The following SRGAP3 variants were observed in gnomAD, a reference collection of about 807,000 sequenced individuals.
The protein encoded by SRGAP3 is SLIT-ROBO Rho GTPase activating protein 3.
SRGAP3 carries 39 observed loss-of-function variants against 121.1 expected under a neutral mutation model. The observed-to-expected ratio is 0.32, with a 90% CI of 0.25 to 0.42. SRGAP3 has a LOEUF of 0.42. SRGAP3 is among the 10% of genes least tolerant of loss of function. The pLI, the probability that SRGAP3 is intolerant of heterozygous loss-of-function variation, is 1.00. For synonymous variants in SRGAP3, 601 were observed against 570.0 expected (o/e 1.05, Z -0.77); for missense variants, 1,213 against 1,470.6 (o/e 0.82, Z 2.86).
chr3:9,288,514 G>A (rs1293447567), intron 3 of SRGAP3, among the ~76,000 whole-genome samples: 1 of 150,940 alleles, frequency 6.6e-6, no homozygotes, highest in Admixed American at 6.6e-5. Context: ...TTCTCAACTT[G>A]TCTAATTAAC....
intron 1 of SRGAP3, chr3:9,355,872 A>G (rs2030469102): frequency 6.6e-6 from 1 of 152,204 alleles, no homozygotes; most frequent in East Asian, 1.9e-4. Context: ...ATGTCACCCC[A>G]CGGCAGAAGG....
intron 5 of SRGAP3, among the ~76,000 whole-genome samples, chr3:9,064,049 G>A (rs1481205242): frequency 6.6e-6 from 1 of 152,082 alleles, no homozygotes; most frequent in African/African-American, 2.4e-5. Context: ...ACAAGCCCCT[G>A]CTCCCGCTAA....
At position 8,990,778 on chromosome 3, in the gene SRGAP3, T is replaced by C; in HGVS notation, c.2620A>G (p.Ser874Gly). 6.2e-7 allele frequency: 1 copy of C among 1,600,694 alleles called. No homozygotes were observed. The change falls in exon 21 of 22, where the codon AGC becomes GGC. Residue 874 changes from serine (S) to glycine (G), a missense_variant. Transcript: ENST00000383836. ...CTGGGGCCCAGGCCCCGGGGCGGGC[T>C]GTGTGTGTCGCCCCCGCTTCGGCGT... ...PRRRSGGDTH[S>G]PPRGLGPSID...
At chr3:9,116,649 G>A (rs185533868) in intron 2 of SRGAP3, among the ~76,000 whole-genome samples, 1 of 152,264 alleles carries the variant, frequency 6.6e-6, no homozygotes, top group East Asian at 1.9e-4. Flanking sequence ...AACCCCTGAT[G>A]CTCATCCAAG....
intron 1 of SRGAP3, among the ~76,000 whole-genome samples, chr3:9,344,943 A>C (rs1955857822): frequency 6.6e-6 from 1 of 152,022 alleles, no homozygotes; most frequent in Non-Finnish European, 1.5e-5. Context: ...AGGCTGAGGC[A>C]GGAGAATCAC....
intron 12 of SRGAP3, among the ~76,000 whole-genome samples, chr3:9,031,645 A>G (rs1944488006): frequency 6.6e-6 from 1 of 152,104 alleles, no homozygotes; most frequent in Admixed American, 6.6e-5. Flanking sequence ...TCATATATCC[A>G]GTCTTTTGCT....
chr3:9,074,751 T>A (rs1300577720), intron 4 of SRGAP3, among the ~76,000 whole-genome samples: 1 of 152,142 alleles, frequency 6.6e-6, no homozygotes, highest in Admixed American at 6.5e-5. Context: ...TGGCCCAGAG[T>A]TGATGTCACA....
chr3:9,056,404 G>C, intron 7 of SRGAP3, 70 bp from the exon 8 acceptor site: 1 of 1,508,482 alleles, frequency 6.6e-7, no homozygotes. Flanking sequence ...TAGGGCAGGG[G>C]CTACCATTAA....
intron 2 of SRGAP3, among the ~76,000 whole-genome samples, chr3:9,120,910 G>A (rs1260789592): frequency 6.6e-6 from 1 of 152,202 alleles, no homozygotes; most frequent in Non-Finnish European, 1.5e-5. Context: ...ACAGCACAGT[G>A]CGTATTCCTG....
chr3:9,255,070 G>C (rs768229215), intron 3 of SRGAP3, among the ~76,000 whole-genome samples: 3 of 152,150 alleles, frequency 2.0e-5, no homozygotes, highest in Non-Finnish European at 4.4e-5. Context: ...AGACAGAGGT[G>C]ACAGTTGTAC....
At chr3:9,150,090 T>A (rs751902667) in intron 1 of SRGAP3, among the ~76,000 whole-genome samples, 1 of 151,902 alleles carries the variant, frequency 6.6e-6, no homozygotes, top group Non-Finnish European at 1.5e-5. Flanking sequence ...AACACTGGGA[T>A]AGGGCAAGTG....
upstream of SRGAP3, among the ~76,000 whole-genome samples, chr3:9,251,951 T>G (rs551408261): frequency 2.0e-5 from 3 of 152,188 alleles, no homozygotes; most frequent in Non-Finnish European, 4.4e-5. Flanking sequence ...AACACGATCA[T>G]GGATTTAAAG....
intron 3 of SRGAP3, among the ~76,000 whole-genome samples, chr3:9,087,435 GGGGTA>G (rs1947551761): frequency 6.6e-6 from 1 of 152,044 alleles, no homozygotes. Context: ...CCAGTTTGCT[GGGGTA>G]GAGTCAAGAA....
intron 9 of SRGAP3, among the ~76,000 whole-genome samples, chr3:9,050,387 C>G (rs1403623874): frequency 6.6e-6 from 1 of 152,226 alleles, no homozygotes; most frequent in African/African-American, 2.4e-5. Context: ...AGGTCATCCA[C>G]TGGTTAGCGC....
At chr3:9,086,739 T>G (rs577498730) in intron 3 of SRGAP3, among the ~76,000 whole-genome samples, 2 of 146,690 alleles carry the variant, frequency 1.4e-5, no homozygotes, top group Admixed American at 6.8e-5. Context: ...ATGTATTTTA[T>G]ATGTATATAT....
intron 9 of SRGAP3, among the ~76,000 whole-genome samples, chr3:9,049,008 A>G (rs1367460759): frequency 1.3e-5 from 2 of 152,114 alleles, no homozygotes; most frequent in Non-Finnish European, 2.9e-5. Context: ...GAATAAAGTG[A>G]AGGAGGTAGA....
chr3:9,346,715 G>C (rs1251231294), intron 1 of SRGAP3, among the ~76,000 whole-genome samples: 1 of 151,566 alleles, frequency 6.6e-6, no homozygotes, highest in African/African-American at 2.4e-5. Context: ...GATGTTTCAA[G>C]GGAGGAACAA....
At chr3:9,003,905 G>T (rs1357578977) in intron 18 of SRGAP3, among the ~76,000 whole-genome samples, 1 of 151,934 alleles carries the variant, frequency 6.6e-6, no homozygotes, top group African/African-American at 2.4e-5. Flanking sequence ...GGCCAATTGG[G>T]CAAGAAAAAG....
chr3:9,212,937 A>G (rs1228256044), intron 1 of SRGAP3, among the ~76,000 whole-genome samples: 2 of 152,244 alleles, frequency 1.3e-5, no homozygotes, highest in Non-Finnish European at 2.9e-5. Flanking sequence ...GGGCCTGGGA[A>G]GGGCTACTGC....
Sources: gnomAD v4.1 joint callset for allele counts (sites outside exome capture counted in the v4.1 genomes callset) on GRCh38, gnomAD v4.1.1 for gene constraint, MANE v1.5 for transcripts, NCBI Gene and HGNC (gene_info 2026-07-23, HGNC 2026-07-21) for gene names.